The following LARP4B variants were observed in gnomAD, a reference collection of about 807,000 sequenced individuals.
The protein encoded by LARP4B is La ribonucleoprotein 4B.
A neutral mutation model predicts 89.8 loss-of-function variants in LARP4B; 12 were observed. The observed-to-expected ratio is 0.13, with a 90% CI of 0.09 to 0.22. The LOEUF is 0.22. Ranked by LOEUF, LARP4B falls within the 10% of genes least tolerant of loss-of-function variation. The probability of loss-of-function intolerance (pLI) is 1.00; values close to 1 mark genes in which losing one functional copy is unlikely to be tolerated. For missense variants in LARP4B, 757 were observed against 947.7 expected, an observed-to-expected ratio of 0.80 and a Z score of 2.64; for synonymous variants, 367 against 363.3, an observed-to-expected ratio of 1.01 and a Z score of -0.12.
chr10:836,537 CA>C (rs554850975), intron 7 of LARP4B, 31 bp from the exon 8 acceptor site: 31,678 of 1,362,666 alleles, frequency 0.023, 582 homozygotes, highest in Admixed American at 0.068. Context: ...AATGGTGAAA[CA>C]AAAATATTAA....
chr10:862,697 T>C (rs2131836708), intron 5 of LARP4B, among the ~76,000 whole-genome samples: 1 of 152,078 alleles, frequency 6.6e-6, no homozygotes, highest in South Asian at 2.1e-4. Context: ...TAGGCGGAGC[T>C]TGCAGTGAGC....
At chr10:875,182 C>T (rs73584581) in intron 3 of LARP4B, among the ~76,000 whole-genome samples, 4,333 of 152,294 alleles carry the variant, frequency 0.028, 117 homozygotes, top group African/African-American at 0.072. Flanking sequence ...AGCAGAGAAG[C>T]TCACGAGATC....
chr10:913,250 C>T (rs1002259132), intron 1 of LARP4B, among the ~76,000 whole-genome samples: 3 of 152,104 alleles, frequency 2.0e-5, no homozygotes, highest in African/African-American at 4.8e-5. Flanking sequence ...GAATTATTTT[C>T]ACTAGCAAAT....
the LARP4B span, among the ~76,000 whole-genome samples, chr10:944,725 T>A: frequency 6.6e-6 from 1 of 152,324 alleles, no homozygotes; most frequent in East Asian, 1.9e-4. Flanking sequence ...TGCCTTCAGC[T>A]TTGAGTTCCT....
intron 6 of LARP4B, among the ~76,000 whole-genome samples, chr10:844,322 A>G (rs1018326743): frequency 3.9e-5 from 6 of 152,204 alleles, no homozygotes; most frequent in African/African-American, 1.2e-4. Context: ...GTGGAACAGC[A>G]TGGGCATGGG....
chr10:964,821 T>C, the LARP4B span, among the ~76,000 whole-genome samples: 4 of 152,128 alleles, frequency 2.6e-5, no homozygotes, highest in African/African-American at 9.7e-5. Context: ...ACCAGCTGTG[T>C]GTTTGTCATG....
upstream of LARP4B, among the ~76,000 whole-genome samples, chr10:931,904 C>A (rs1830632006): frequency 6.6e-6 from 1 of 150,784 alleles, no homozygotes; most frequent in Admixed American, 6.6e-5. Context: ...CGCGCGTACA[C>A]CCTGCTCGCG....
chr10:966,297 A>T, the LARP4B span, among the ~76,000 whole-genome samples: 1 of 152,134 alleles, frequency 6.6e-6, no homozygotes, highest in Admixed American at 6.6e-5. Flanking sequence ...TCTATAAAAA[A>T]TTTTAAAAAA....
intron 1 of LARP4B, among the ~76,000 whole-genome samples, chr10:927,967 C>T (rs753473088): frequency 6.6e-6 from 1 of 152,050 alleles, no homozygotes; most frequent in African/African-American, 2.4e-5. Context: ...AATCCCAGCA[C>T]TTTGGGAGGC....
chr10:813,140 G>C lies in LARP4B; in HGVS notation c.2003C>G (p.Pro668Arg), dbSNP rs528756735. The change falls in exon 18 of 18, where the codon CCC (proline) becomes CGC (arginine). Residue 668 changes from proline to arginine, a missense_variant. Pro to Arg is a moderately radical substitution (Grantham distance 103, BLOSUM62 -2). This residue lies in a region of LARP4B where 387 missense variants were observed against 423.6 expected (regional missense o/e 0.91). Coordinates refer to ENST00000316157, the MANE Select transcript of LARP4B (RefSeq NM_015155.3). The stretch of plus-strand genomic sequence containing the variant: ...AGTGTTTGGCTTTTGTTCTTTTTGG[G>C]GTTGCAATGGGGAAGAAGGAGGCTC... ...SKEPPSSPLQ[P>R]QKEQKPNTVG... 1.9e-5 allele frequency: 31 copies of C among 1,614,072 alleles called. No individual in the cohort carries two copies. The East Asian group carries it at 6.9e-4, about 36-fold the overall frequency.
the LARP4B span, among the ~76,000 whole-genome samples, chr10:939,597 C>T: frequency 3.3e-5 from 5 of 152,154 alleles, no homozygotes; most frequent in East Asian, 1.9e-4. Flanking sequence ...ACACAGCACC[C>T]GTCTACACAT....
chr10:817,022 C>T (rs1051363748), intron 15 of LARP4B, among the ~76,000 whole-genome samples: 1 of 152,188 alleles, frequency 6.6e-6, no homozygotes, highest in African/African-American at 2.4e-5. Context: ...GCACAGGGGA[C>T]ACCGGCAACC....
At chr10:945,867 A>G in the LARP4B span, among the ~76,000 whole-genome samples, 6 of 152,268 alleles carry the variant, frequency 3.9e-5, no homozygotes, top group South Asian at 1.2e-3. Context: ...TTGTGTCCTT[A>G]TAAGAAGAGA....
intron 1 of LARP4B, among the ~76,000 whole-genome samples, chr10:898,045 A>AAG (rs1836240981): frequency 6.6e-6 from 1 of 151,830 alleles, no homozygotes; most frequent in Non-Finnish European, 1.5e-5. Context: ...CATTTTCCCA[A>AAG]AGAAGATATA....
At chr10:843,643 G>A (rs758189041) in intron 6 of LARP4B, among the ~76,000 whole-genome samples, 2 of 152,108 alleles carry the variant, frequency 1.3e-5, no homozygotes, top group Admixed American at 1.3e-4. Context: ...AGGTTACAGT[G>A]AGCCAAGATC....
rs768268781 is a variant in LARP4B at position 881,642 on chromosome 10, C to T, written c.141+2805G>A. Among the ~76,000 whole-genome samples the T allele has an allele frequency of 3.3e-5, 5 of 152,142 alleles. No homozygotes were observed. The East Asian group carries it at 5.8e-4, about 18-fold the overall frequency. ...AGTACTGTAATCATAACTATTGGTACGATATACTTCAAAATCAGTAGATCC... is the reference window on the plus strand; with the variant it reads ...AGTACTGTAATCATAACTATTGGTATGATATACTTCAAAATCAGTAGATCC... On this transcript the variant is annotated intron_variant, in intron 3 of 17. Transcript: ENST00000316157.
chr10:924,270 T>C (rs1251424807), intron 1 of LARP4B: 1 of 152,150 alleles, frequency 6.6e-6, no homozygotes, highest in African/African-American at 2.4e-5. Context: ...TACACGATTA[T>C]ATGTAATACA....
At chr10:896,069 A>C (rs1836181077) in intron 1 of LARP4B, among the ~76,000 whole-genome samples, 3 of 152,258 alleles carry the variant, frequency 2.0e-5, no homozygotes, top group Admixed American at 2.0e-4. Context: ...GAAGCATCTA[A>C]GTCACTTTGC....
In LARP4B at chr10:864,233, G is replaced by A; in HGVS notation, c.179C>T (p.Ala60Val). The A allele has an allele frequency of 6.2e-7, 1 of 1,614,182 alleles. No individual in the cohort carries two copies. Among genetic ancestry groups the A allele is most frequent in the Non-Finnish European group, 8.5e-7 (1 of 1,180,030 alleles). The part of the protein sequence containing the change: ...ATKVSELNPN[A>V]EVWGAPVLHL... ...TAACACAGGAGCCCCCCACACTTCT[G>A]CATTAGGGTTCAGCTCTGAAACCTT... The change falls in exon 4 of 18, where the codon GCA becomes GTA. Residue 60 changes from alanine to valine, a missense_variant. Ala to Val is a moderately conservative substitution (Grantham distance 64, BLOSUM62 0). Transcript: ENST00000316157.
Sources: gnomAD v4.1 joint callset for allele counts (sites outside exome capture counted in the v4.1 genomes callset) on GRCh38, gnomAD v4.1.1 for gene constraint, gnomAD v4.1.1 regional missense constraint, MANE v1.5 for transcripts, NCBI Gene and HGNC (gene_info 2026-07-23, HGNC 2026-07-21) for gene names.